GABBR2: variants seen among roughly 807,000 people sequenced by gnomAD.
GABBR2 encodes the protein G-protein coupled receptor 51.
A neutral mutation model predicts 105.6 loss-of-function variants in GABBR2; 23 were observed. That is an observed-to-expected ratio of 0.22 (90% CI 0.16 to 0.31). GABBR2 has a LOEUF of 0.31. Among genes scored for constraint, GABBR2 ranks in the 10% least tolerant of loss-of-function variants. The probability of loss-of-function intolerance (pLI) is 1.00; values close to 1 mark genes in which losing one functional copy is unlikely to be tolerated. For missense variants in GABBR2, 734 were observed against 1,245.5 expected (o/e 0.59, Z 6.18); for synonymous variants, 478 against 499.7 (o/e 0.96, Z 0.58).
chr9:98,530,964 G>T (rs988358353), intron 3 of GABBR2, among the ~76,000 whole-genome samples: 4 of 152,160 alleles, frequency 2.6e-5, no homozygotes, highest in African/African-American at 9.7e-5. Flanking sequence ...TGCCCTGGGA[G>T]CCTGGCCCGG....
At chr9:98,651,146 T>C (rs10115752) in intron 1 of GABBR2, among the ~76,000 whole-genome samples, 1 of 88,402 alleles carries the variant, frequency 1.1e-5, no homozygotes, top group Non-Finnish European at 2.4e-5. Flanking sequence ...CTGGTTTTTT[T>C]TTTTTTTTTT....
intron 13 of GABBR2, among the ~76,000 whole-genome samples, chr9:98,331,568 C>A (rs1401351431): frequency 6.6e-6 from 1 of 152,148 alleles, no homozygotes; most frequent in Non-Finnish European, 1.5e-5. Context: ...AGATCAGGGG[C>A]TGCACCTAAC....
chr9:98,546,524 G>T lies in GABBR2; in HGVS notation c.460-4481C>A, dbSNP rs1828405118. Among the ~76,000 whole-genome samples, 6 of 152,158 alleles carry T rather than the reference G, an allele frequency of 3.9e-5. No homozygotes were observed. The South Asian group carries it at 1.2e-3, about 31-fold the overall frequency. On this transcript the variant is annotated intron_variant, in intron 2 of 18. Transcript: ENST00000259455. ...GAGTGAAGATTGAAATATTTATCAA[G>T]ATAAAATAAACCTGTTTGTCATTTT...
chr9:98,507,613 A>T (rs922572924), intron 3 of GABBR2, among the ~76,000 whole-genome samples: 2 of 152,216 alleles, frequency 1.3e-5, no homozygotes, highest in African/African-American at 4.8e-5. Context: ...GTTGCAGCAG[A>T]ACAGGAAACT....
chr9:98,534,300 T>G (rs1196866238), intron 3 of GABBR2, among the ~76,000 whole-genome samples: 1 of 111,998 alleles, frequency 8.9e-6, no homozygotes, highest in African/African-American at 3.3e-5. Flanking sequence ...TCGAGATCAC[T>G]GAGGACCAGT....
At chr9:98,612,458 CAG>C (rs1333029125) in intron 1 of GABBR2, among the ~76,000 whole-genome samples, 1 of 152,214 alleles carries the variant, frequency 6.6e-6, no homozygotes, top group African/African-American at 2.4e-5. Flanking sequence ...GCTTCTAACC[CAG>C]AGAGTCTGCA....
At chr9:98,357,439 G>C (rs1264056295) in intron 13 of GABBR2, among the ~76,000 whole-genome samples, 1 of 152,138 alleles carries the variant, frequency 6.6e-6, no homozygotes, top group Admixed American at 6.6e-5. Flanking sequence ...TTTGAGCCCA[G>C]GAATTGGAGA....
intron 2 of GABBR2, 25 bp downstream of exon 2, chr9:98,577,910 C>T: frequency 6.3e-7 from 1 of 1,581,752 alleles, no homozygotes; most frequent in Non-Finnish European, 8.6e-7. Flanking sequence ...CACCTCCCCA[C>T]AAAAGAAGGT....
chr9:98,296,670 C>T (rs796713080), intron 17 of GABBR2, among the ~76,000 whole-genome samples: 7 of 152,280 alleles, frequency 4.6e-5, no homozygotes, highest in African/African-American at 1.7e-4. Context: ...AGAACAATTT[C>T]CAGTTCCTTT....
At position 98,293,767 on chromosome 9, in the gene GABBR2, C is replaced by T; in HGVS notation, c.2660+18G>A. 2.3e-6 allele frequency: 3 copies of T among 1,296,932 alleles called. No individual in the cohort carries two copies. Among genetic ancestry groups the T allele is most frequent in the Non-Finnish European group, 3.3e-6 (3 of 901,304 alleles). The allele number at this position is 1,296,932 out of a possible 1,614,324, so 80.3% of individuals were successfully genotyped here. A position where few individuals can be genotyped will look rare whatever the true frequency, so the allele number is the denominator to read the frequency against. The stretch of plus-strand genomic sequence containing the variant: ...GTATTTCTTCTTCAGTTATAATTCT[C>T]AAGGAGAAGGTACTTACTGTTCTGG... On this transcript the variant is annotated intron_variant, in intron 18 of 18. Coordinates refer to ENST00000259455, the MANE Select transcript of GABBR2 (RefSeq NM_005458.8).
chr9:98,582,153 AG>A (rs1829012152), intron 1 of GABBR2, among the ~76,000 whole-genome samples: 1 of 152,226 alleles, frequency 6.6e-6, no homozygotes, highest in African/African-American at 2.4e-5. Flanking sequence ...GATGTCATGA[AG>A]GTTACTAATC....
At chr9:98,472,598 C>G (rs560985924) in intron 6 of GABBR2, among the ~76,000 whole-genome samples, 1 of 152,304 alleles carries the variant, frequency 6.6e-6, no homozygotes, top group South Asian at 2.1e-4. Flanking sequence ...CCTAAGATCA[C>G]AACAGTATGC....
intron 13 of GABBR2, among the ~76,000 whole-genome samples, chr9:98,359,269 A>G (rs1017191537): frequency 6.6e-6 from 1 of 151,848 alleles, no homozygotes; most frequent in East Asian, 1.9e-4. Context: ...CTCTACTAAG[A>G]ATACAAAATT....
intron 13 of GABBR2, among the ~76,000 whole-genome samples, chr9:98,354,383 A>G (rs1831451549): frequency 6.6e-6 from 1 of 152,246 alleles, no homozygotes; most frequent in Admixed American, 6.5e-5. Flanking sequence ...GAAACTTTGA[A>G]GCCAGGCATT....
chr9:98,648,884 G>A (rs889175131), intron 1 of GABBR2, among the ~76,000 whole-genome samples: 2 of 152,080 alleles, frequency 1.3e-5, no homozygotes, highest in Non-Finnish European at 2.9e-5. Context: ...TCTACCTTTG[G>A]GATGACCTCA....
chr9:98,563,866 C>A (rs144066942), intron 2 of GABBR2, among the ~76,000 whole-genome samples: 1 of 152,158 alleles, frequency 6.6e-6, no homozygotes, highest in East Asian at 1.9e-4. Context: ...GTATAATTCA[C>A]AACTAATGTA....
intron 17 of GABBR2, 61 bp from the exon 18 acceptor site, chr9:98,293,963 A>T: frequency 9.9e-7 from 1 of 1,012,376 alleles, no homozygotes; most frequent in Non-Finnish European, 1.6e-6. Context: ...AAAATCAACA[A>T]TGCAACTTTT....
chr9:98,396,041 G>A (rs1277582444), intron 8 of GABBR2, among the ~76,000 whole-genome samples: 1 of 152,192 alleles, frequency 6.6e-6, no homozygotes, highest in Non-Finnish European at 1.5e-5. Flanking sequence ...GGCCCCAGTG[G>A]TAATAAGAAT....
intron 4 of GABBR2, 102 bp from the exon 5 acceptor site, chr9:98,481,099 C>A: frequency 2.5e-6 from 2 of 790,650 alleles, no homozygotes; most frequent in Non-Finnish European, 4.6e-6. Flanking sequence ...TGGCTCTTAG[C>A]CCAGAGCTCT....
Sources: allele counts gnomAD v4.1 joint callset (sites outside exome capture counted in the v4.1 genomes callset), GRCh38; gene constraint gnomAD v4.1.1; transcripts MANE v1.5; gene names NCBI Gene and HGNC (gene_info 2026-07-23, HGNC 2026-07-21).